ASCC3: variants seen among roughly 807,000 people sequenced by gnomAD.
ASCC3 encodes ASC-1 complex subunit P200.
A neutral mutation model predicts 256.3 loss-of-function variants in ASCC3; 158 were observed. The observed-to-expected ratio is 0.62, with a 90% CI of 0.54 to 0.70. The LOEUF (loss-of-function observed/expected upper bound fraction) is 0.70, where lower values mean the gene tolerates loss of function less well. Ranked by LOEUF, ASCC3 falls within the 30% of genes least tolerant of loss-of-function variation. The pLI is 0.00. For missense variants in ASCC3, 2,259 were observed against 2,626.0 expected (o/e 0.86, Z 3.05); for synonymous variants, 948 against 883.4 (o/e 1.07, Z -1.30).
intron 25 of ASCC3, 151 bp from the exon 26 acceptor site, chr6:100,631,364 G>A: frequency 4.0e-5 from 25 of 620,584 alleles, no homozygotes; most frequent in Non-Finnish European, 4.8e-5. Flanking sequence ...TAAATCAACG[G>A]GAAAAAGTCA....
chr6:100,546,975 T>C (rs371599754), intron 36 of ASCC3, among the ~76,000 whole-genome samples: 118 of 152,188 alleles, frequency 7.8e-4, no homozygotes, highest in Middle Eastern at 3.4e-3. Flanking sequence ...TCATGATGGA[T>C]TCTTAAGCAT....
intron 28 of ASCC3, 52 bp downstream of exon 28, chr6:100,627,787 AATC>A: frequency 6.2e-7 from 1 of 1,611,188 alleles, no homozygotes; most frequent in Non-Finnish European, 8.5e-7. Flanking sequence ...TCTTAAAAGG[AATC>A]ATCAAAGTAA....
chr6:100,745,060 G>A (rs1176479102), intron 10 of ASCC3, among the ~76,000 whole-genome samples: 1 of 152,316 alleles, frequency 6.6e-6, no homozygotes, highest in South Asian at 2.1e-4. Flanking sequence ...CAGGTGCGGG[G>A]GCTCACGCCT....
At chr6:100,691,728 T>A (rs1420169534) in intron 13 of ASCC3, among the ~76,000 whole-genome samples, 2 of 151,882 alleles carry the variant, frequency 1.3e-5, no homozygotes, top group Non-Finnish European at 2.9e-5. Flanking sequence ...TTTAGAAAAA[T>A]TTTTTAGCAA....
intron 14 of ASCC3, among the ~76,000 whole-genome samples, chr6:100,671,072 T>C (rs1436106516): frequency 6.6e-6 from 1 of 152,022 alleles, no homozygotes; most frequent in East Asian, 1.9e-4. Flanking sequence ...AAAAGGTGTA[T>C]ATAACATGAT....
intron 13 of ASCC3, among the ~76,000 whole-genome samples, chr6:100,687,675 A>C (rs1040234468): frequency 7.2e-5 from 11 of 152,112 alleles, no homozygotes; most frequent in Non-Finnish European, 1.0e-4. Context: ...TTTTATGGTA[A>C]AAAGCCTAAA....
intron 10 of ASCC3, among the ~76,000 whole-genome samples, chr6:100,764,836 C>G (rs770615995): frequency 6.6e-6 from 1 of 151,852 alleles, no homozygotes. Flanking sequence ...TTTGGGGGGT[C>G]GGGGAGATGA....
At chr6:100,598,489 G>C (rs946269939) in intron 34 of ASCC3, among the ~76,000 whole-genome samples, 2 of 151,000 alleles carry the variant, frequency 1.3e-5, no homozygotes, top group African/African-American at 4.9e-5. Context: ...AACCTCTTAA[G>C]ATTTCATCTT....
chr6:100,662,366 G>A lies in ASCC3; in HGVS notation c.2457C>T (p.Pro819=), dbSNP rs35661276. ...TTACCTTAATAATAACAGCATGGGC[G>A]GGAAGATTGACACCCCAGGCTAACG... ...TATLAWGVNL[P]AHAVIIKGTQ... Residue 819 remains proline (P), a synonymous_variant, in exon 15 of 42, where the codon CCC becomes CCT. Coordinates refer to ENST00000369162, the MANE Select transcript of ASCC3 (RefSeq NM_006828.4). The A allele has an allele frequency of 1.0e-3, 1,619 of 1,612,852 alleles. 18 individuals carry two copies. In the African/African-American group the frequency reaches 0.019, roughly 19 times the overall value.
intron 22 of ASCC3, 58 bp from the exon 23 acceptor site, chr6:100,644,187 A>G: frequency 8.8e-7 from 1 of 1,138,152 alleles, no homozygotes; most frequent in South Asian, 1.2e-5. Flanking sequence ...AAGGGATAGC[A>G]TCCAATCTTC....
chr6:100,832,054 A>G (rs1771647451), intron 4 of ASCC3, among the ~76,000 whole-genome samples: 1 of 152,142 alleles, frequency 6.6e-6, no homozygotes, highest in African/African-American at 2.4e-5. Flanking sequence ...TATTGAAGAG[A>G]TGGAAGATAT....
chr6:100,653,966 TAACAC>T (rs1173751773), intron 17 of ASCC3, among the ~76,000 whole-genome samples: 1 of 152,004 alleles, frequency 6.6e-6, no homozygotes, highest in Non-Finnish European at 1.5e-5. Context: ...ATTAATGAGT[TAACAC>T]TACTACCATT....
At chr6:100,676,300 T>C (rs1777003008) in intron 14 of ASCC3, among the ~76,000 whole-genome samples, 1 of 152,196 alleles carries the variant, frequency 6.6e-6, no homozygotes, top group Non-Finnish European at 1.5e-5. Flanking sequence ...TCATAGTAAA[T>C]AACTAGAATA....
chr6:100,584,237 T>A (rs1449674384), intron 36 of ASCC3, among the ~76,000 whole-genome samples: 2 of 151,398 alleles, frequency 1.3e-5, no homozygotes, highest in Non-Finnish European at 2.9e-5. Context: ...TCTTTGTAGG[T>A]CACTCAGGAC....
At chr6:100,763,427 G>A (rs1046988347) in intron 10 of ASCC3, among the ~76,000 whole-genome samples, 1 of 152,190 alleles carries the variant, frequency 6.6e-6, no homozygotes, top group Admixed American at 6.5e-5. Flanking sequence ...AGAAATAGAT[G>A]TTCATAAACC....
intron 36 of ASCC3, among the ~76,000 whole-genome samples, chr6:100,589,122 A>T (rs1162187566): frequency 6.6e-6 from 1 of 152,110 alleles, no homozygotes; most frequent in Non-Finnish European, 1.5e-5. Context: ...AACACAGTAT[A>T]GTTTTTTACC....
chr6:100,644,796 T>C (rs1007797594), intron 22 of ASCC3, among the ~76,000 whole-genome samples: 13 of 152,152 alleles, frequency 8.5e-5, no homozygotes, highest in Admixed American at 2.0e-4. Flanking sequence ...CCAATTAGAC[T>C]GAAGAAAAGG....
intron 12 of ASCC3, 81 bp from the exon 13 acceptor site, chr6:100,715,614 A>G: frequency 8.3e-7 from 1 of 1,201,112 alleles, no homozygotes; most frequent in Non-Finnish European, 1.2e-6. Context: ...TGCCAATTAC[A>G]ATGCATTTTT....
intron 10 of ASCC3, among the ~76,000 whole-genome samples, chr6:100,748,326 A>T (rs907010870): frequency 2.8e-5 from 4 of 145,380 alleles, no homozygotes; most frequent in Admixed American, 2.7e-4. Context: ...GGGAGAAATT[A>T]AAAAAAAAAT....
Sources: gnomAD v4.1 joint callset for allele counts (sites outside exome capture counted in the v4.1 genomes callset) on GRCh38, gnomAD v4.1.1 for gene constraint, MANE v1.5 for transcripts, NCBI Gene and HGNC (gene_info 2026-07-23, HGNC 2026-07-21) for gene names.